NTM: variants seen among roughly 807,000 people sequenced by gnomAD.
NTM encodes neurotrimin.
In NTM, 13 loss-of-function variants were observed where a neutral mutation model predicts 42.1. That is an observed-to-expected ratio of 0.31 (90% CI 0.20 to 0.49). The LOEUF is 0.49. Ranked by LOEUF, NTM falls within the 20% of genes least tolerant of loss-of-function variation. The pLI, the probability that NTM is intolerant of heterozygous loss-of-function variation, is 0.99. For synonymous variants in NTM, 187 were observed against 179.2 expected (o/e 1.04, Z -0.35); for missense variants, 373 against 452.8 (o/e 0.82, Z 1.60).
At chr11:132,179,431 GGAGA>G (rs1566394741) in intron 3 of NTM, among the ~76,000 whole-genome samples, 1 of 152,070 alleles carries the variant, frequency 6.6e-6, no homozygotes, top group Admixed American at 6.6e-5. Flanking sequence ...ACGTGTGTGT[GGAGA>G]GAGAGACAGA....
chr11:131,512,163 GA>G (rs2048330791), intron 1 of NTM, among the ~76,000 whole-genome samples: 1 of 152,214 alleles, frequency 6.6e-6, no homozygotes, highest in Non-Finnish European at 1.5e-5. Context: ...GAGCCTTGGG[GA>G]CACGAGTGGA....
chr11:132,241,675 C>A (rs2090221423), intron 4 of NTM, among the ~76,000 whole-genome samples: 1 of 152,188 alleles, frequency 6.6e-6, no homozygotes, highest in African/African-American at 2.4e-5. Flanking sequence ...GTTCCGTACT[C>A]CTAATACTAA....
intron 1 of NTM, among the ~76,000 whole-genome samples, chr11:131,831,869 AG>A (rs2136545523): frequency 6.6e-6 from 1 of 151,152 alleles, no homozygotes; most frequent in African/African-American, 2.4e-5. Context: ...TATTCATAAA[AG>A]CATAAAAGGT....
chr11:131,411,383 C>G (rs1282153344), intron 1 of NTM, among the ~76,000 whole-genome samples: 3 of 151,970 alleles, frequency 2.0e-5, no homozygotes, highest in Non-Finnish European at 4.4e-5. Context: ...CTAAAGATTG[C>G]TAAGGATGTA....
At chr11:131,548,091 C>T (rs949263205) in intron 1 of NTM, among the ~76,000 whole-genome samples, 6 of 152,188 alleles carry the variant, frequency 3.9e-5, no homozygotes, top group African/African-American at 1.4e-4. Flanking sequence ...GTTTCCAGAA[C>T]TGTGAAATAG....
intron 1 of NTM, among the ~76,000 whole-genome samples, chr11:131,395,914 T>C (rs1300230731): frequency 6.6e-6 from 1 of 152,208 alleles, no homozygotes; most frequent in African/African-American, 2.4e-5. Flanking sequence ...ATAAAGATAT[T>C]TGAATACCTT....
At chr11:131,563,197 A>G (rs1160765771) in intron 1 of NTM, among the ~76,000 whole-genome samples, 1 of 152,172 alleles carries the variant, frequency 6.6e-6, no homozygotes, top group Non-Finnish European at 1.5e-5. Context: ...TTTGCTTGAA[A>G]GAATCCATGC....
At chr11:131,378,796 T>G (rs1942287158) in intron 1 of NTM, among the ~76,000 whole-genome samples, 1 of 152,184 alleles carries the variant, frequency 6.6e-6, no homozygotes, top group African/African-American at 2.4e-5. Flanking sequence ...ATATTTCTCT[T>G]CTACCTAGCC....
intron 4 of NTM, among the ~76,000 whole-genome samples, chr11:132,213,086 C>T (rs114089095): frequency 1.7e-3 from 255 of 152,312 alleles, no homozygotes; most frequent in African/African-American, 5.9e-3. Context: ...TGTGCAGAGA[C>T]ATGAACAGTG....
intron 1 of NTM, among the ~76,000 whole-genome samples, chr11:131,849,940 G>T (rs1005602758): frequency 1.0e-4 from 15 of 149,018 alleles, no homozygotes; most frequent in Non-Finnish European, 1.6e-4. Flanking sequence ...CCTGCACTTT[G>T]TGTACATGTA....
At chr11:131,396,378 T>G (rs1384210766) in intron 1 of NTM, among the ~76,000 whole-genome samples, 1 of 152,208 alleles carries the variant, frequency 6.6e-6, no homozygotes, top group Non-Finnish European at 1.5e-5. Flanking sequence ...GCCACTTTCC[T>G]ACGCACAGCT....
chr11:132,098,881 C>T (rs10791195), intron 2 of NTM, among the ~76,000 whole-genome samples: 53,155 of 152,206 alleles, frequency 0.35, 9,624 homozygotes, highest in African/African-American at 0.41. Context: ...AGCAGCCCTG[C>T]AGCTTGGACT....
At chr11:131,492,807 C>G (rs9943476) in intron 1 of NTM, among the ~76,000 whole-genome samples, 56,824 of 151,970 alleles carry the variant, frequency 0.37, 10,955 homozygotes, top group East Asian at 0.5. Flanking sequence ...ACTGAGTATA[C>G]GCAGATCTGT....
At chr11:132,139,857 C>G (rs551815181) in intron 2 of NTM, among the ~76,000 whole-genome samples, 1 of 152,172 alleles carries the variant, frequency 6.6e-6, no homozygotes, top group African/African-American at 2.4e-5. Context: ...TATTGTGTGC[C>G]TACGTTGTAC....
chr11:131,848,186 T>C (rs967054571), intron 1 of NTM, among the ~76,000 whole-genome samples: 1 of 152,230 alleles, frequency 6.6e-6, no homozygotes, highest in Non-Finnish European at 1.5e-5. Context: ...GAATATATAC[T>C]TTTTTCTTCC....
intron 3 of NTM, among the ~76,000 whole-genome samples, chr11:132,164,492 T>C (rs1241634075): frequency 6.6e-6 from 1 of 152,196 alleles, no homozygotes. Flanking sequence ...AGAATACATT[T>C]CTTTATTTGA....
At chr11:131,981,225 A>G (rs969919254) in intron 2 of NTM, 1 of 152,194 alleles carries the variant, frequency 6.6e-6, no homozygotes, top group Admixed American at 6.5e-5. Context: ...TCTGAATTGC[A>G]TGAGGCTACC....
intron 1 of NTM, among the ~76,000 whole-genome samples, chr11:131,485,354 G>A (rs1051956313): frequency 3.3e-5 from 5 of 152,224 alleles, no homozygotes; most frequent in African/African-American, 9.6e-5. Context: ...ATGGAGATGC[G>A]AGAGAGGCCC....
At chr11:131,973,436 T>C (rs906952988) in intron 2 of NTM, among the ~76,000 whole-genome samples, 8 of 152,254 alleles carry the variant, frequency 5.3e-5, no homozygotes, top group African/African-American at 1.9e-4. Flanking sequence ...GCTTCTCATG[T>C]GAAGCATCCA....
Sources: allele counts gnomAD v4.1 joint callset (sites outside exome capture counted in the v4.1 genomes callset), GRCh38; gene constraint gnomAD v4.1.1; transcripts MANE v1.5; gene names NCBI Gene and HGNC (gene_info 2026-07-23, HGNC 2026-07-21).